Variants in FIP1L1 observed in about 807,000 individuals in gnomAD.
The protein encoded by FIP1L1 is pre-mRNA 3'-end-processing factor FIP1.
Under a neutral mutation model 84.6 loss-of-function variants are expected in FIP1L1, and 21 were observed. The ratio of observed to expected loss-of-function variants is 0.25; its 90% confidence interval spans 0.18 to 0.36. FIP1L1 has a LOEUF of 0.36. Ranked by LOEUF, FIP1L1 falls within the 10% of genes least tolerant of loss-of-function variation. FIP1L1 has a pLI of 1.00. For missense variants in FIP1L1, 526 were observed against 751.1 expected (o/e 0.70, Z 3.50); for synonymous variants, 263 against 242.3 (o/e 1.09, Z -0.80).
At chr4:53,414,912 C>A (rs1758790823) in intron 11 of FIP1L1, among the ~76,000 whole-genome samples, 190 bp downstream of exon 11, 1 of 152,020 alleles carries the variant, frequency 6.6e-6, no homozygotes, top group Admixed American at 6.6e-5. Context: ...TGCTACCCAT[C>A]TTTCTGGCTG....
intron 12 of FIP1L1, 106 bp from the exon 13 acceptor site, chr4:53,427,918 AATT>A: frequency 1.0e-6 from 1 of 956,138 alleles, no homozygotes; most frequent in Non-Finnish European, 1.5e-6. Flanking sequence ...CATATATGTG[AATT>A]AAACTACCTT....
At chr4:53,391,164 C>T (rs1560495441) in intron 8 of FIP1L1, 25 bp downstream of exon 8, 1 of 1,582,298 alleles carries the variant, frequency 6.3e-7, no homozygotes, top group East Asian at 2.2e-5. Context: ...CTCCGGAATA[C>T]CCTTGGCTTG....
chr4:53,440,509 T>C, intron 13 of FIP1L1: 1 of 931,172 alleles, frequency 1.1e-6, no homozygotes, highest in South Asian at 1.6e-5. Flanking sequence ...AAAGTTTGTT[T>C]TGGTGATGGC....
At chr4:53,404,871 TA>T (rs1321765798) in intron 10 of FIP1L1, among the ~76,000 whole-genome samples, 1 of 151,698 alleles carries the variant, frequency 6.6e-6, no homozygotes, top group Non-Finnish European at 1.5e-5. Flanking sequence ...TTTTTTCTTG[TA>T]AATTTGTTTG....
rs1721510402 is a variant in FIP1L1 at position 53,459,916 on chromosome 4, A to ACTC, written c.*468_*470dup. The ACTC allele has an allele frequency of 4.5e-6, 1 of 220,220 alleles. No homozygotes were observed. The allele number at this position is 220,220 out of a possible 1,614,324, so 13.6% of individuals were successfully genotyped here. A position where few individuals can be genotyped will look rare whatever the true frequency, so the allele number is the denominator to read the frequency against. ...ACACTCTTGCTTAGTATATTAAGAG[A>ACTC]CTCATACATTTTTGATATCACAACT... On this transcript the variant is annotated 3_prime_UTR_variant, in exon 18 of 18. Coordinates refer to ENST00000337488, the MANE Select transcript of FIP1L1 (RefSeq NM_030917.4).
intron 11 of FIP1L1, among the ~76,000 whole-genome samples, chr4:53,419,129 T>C (rs1193138052): frequency 2.0e-5 from 3 of 152,222 alleles, no homozygotes; most frequent in Non-Finnish European, 4.4e-5. Context: ...AAGGTAGAGC[T>C]TTATTCCAAG....
In FIP1L1 at chr4:53,377,669, G is replaced by T. The variant is rs758154430; in HGVS notation, c.-170G>T. 3.5e-5 allele frequency: 21 copies of T among 597,352 alleles called. No homozygotes were observed. Among genetic ancestry groups the T allele is most frequent in the Non-Finnish European group, 5.4e-5 (19 of 353,832 alleles). 37.0% of individuals were successfully genotyped at this position (597,352 alleles called of 1,614,324 possible). On this transcript the variant is annotated 5_prime_UTR_variant, in exon 1 of 18. The change creates a new upstream start codon in the 5' untranslated region. Coordinates refer to ENST00000337488, the MANE Select transcript of FIP1L1 (RefSeq NM_030917.4). ...CATGCGCAGACGGACCTGCGCTGGA[G>T]GCTTCATCTTTGCCGCCGCTGCCGT...
rs1735356480 is a variant in FIP1L1 at position 53,377,830 on chromosome 4, G to C, written c.-9G>C. ...TGATCGCCGCGTTTAAGTTGCGCTC[G>C]GGGCGGCCATGTCGGCCGGCGAGGT... On this transcript the variant is annotated 5_prime_UTR_variant, in exon 1 of 18. Coordinates refer to ENST00000337488, the MANE Select transcript of FIP1L1 (RefSeq NM_030917.4). The C allele has an allele frequency of 3.8e-6, 6 of 1,564,764 alleles. No individual in the cohort carries two copies. The highest frequency in any genetic ancestry group is 2.4e-5 in the East Asian group (1 of 42,226).
chr4:53,395,195 A>T (rs1048773103), intron 9 of FIP1L1, among the ~76,000 whole-genome samples: 1 of 152,224 alleles, frequency 6.6e-6, no homozygotes, highest in African/African-American at 2.4e-5. Context: ...AAACAAATGG[A>T]TAATCAAGTT....
In FIP1L1 at chr4:53,391,417, T is replaced by C; in HGVS notation, c.637-13T>C. 1 of 1,606,412 alleles carries C rather than the reference T, an allele frequency of 6.2e-7. No homozygotes were observed. On this transcript the variant is annotated splice_polypyrimidine_tract_variant and intron_variant, in intron 8 of 17. Transcript: ENST00000337488. ...ATGTGGTATCTTAATGGGGAATATGTTATTTAACTTAGGCCGAAGACTGTA... is the reference window on the plus strand; with the variant it reads ...ATGTGGTATCTTAATGGGGAATATGCTATTTAACTTAGGCCGAAGACTGTA...
At chr4:53,385,440 A>T (rs922166837) in intron 5 of FIP1L1, among the ~76,000 whole-genome samples, 1 of 152,096 alleles carries the variant, frequency 6.6e-6, no homozygotes, top group Non-Finnish European at 1.5e-5. Flanking sequence ...TTATGTTTAT[A>T]CATATTTATT....
At position 53,442,725 on chromosome 4, in the gene FIP1L1, C is replaced by G; in HGVS notation, c.1229+18C>G. 1 of 1,503,490 alleles carries G rather than the reference C, an allele frequency of 6.7e-7. No individual in the cohort carries two copies. The highest frequency in any genetic ancestry group is 9.2e-7 in the Non-Finnish European group (1 of 1,083,756). The allele number at this position is 1,503,490 out of a possible 1,614,324, so 93.1% of individuals were successfully genotyped here. A position where few individuals can be genotyped will look rare whatever the true frequency, so the allele number is the denominator to read the frequency against. ...ATAGAAAGGTAAATCAGTATGGATA[C>G]TGATTTTTGATCATTGATAGCCTTT... On this transcript the variant is annotated intron_variant, in intron 14 of 17. Coordinates refer to ENST00000337488, the MANE Select transcript of FIP1L1 (RefSeq NM_030917.4).
Position 53,442,446 on chromosome 4 carries a change from G to A in FIP1L1, c.1175-207G>A, listed in dbSNP as rs562337099. On this transcript the variant is annotated intron_variant, in intron 13 of 17. Coordinates refer to ENST00000337488, the MANE Select transcript of FIP1L1 (RefSeq NM_030917.4). The stretch of plus-strand genomic sequence containing the variant: ...TCCTGACTCCCAGTTTGTTTTCTGT[G>A]TATTAGACCAGACTGCTTACTTAAA... The A allele has an allele frequency of 9.7e-6, 5 of 516,096 alleles. No individual in the cohort carries two copies. The South Asian group carries it at 1.0e-4, about 10-fold the overall frequency. 32.0% of individuals were successfully genotyped at this position (516,096 alleles called of 1,614,324 possible). A position where few individuals can be genotyped will look rare whatever the true frequency, so the allele number is the denominator to read the frequency against.
rs75782976 is a variant in FIP1L1 at position 53,431,073 on chromosome 4, G to A, written c.1174+2890G>A. ...CAGTTTTAGTCAAGTGGTCTTGTAC[G>A]TACTTGGCATTCCCTAATGTGTTTG... On this transcript the variant is annotated intron_variant, in intron 13 of 17. Transcript: ENST00000337488. 3.1e-4 allele frequency among the ~76,000 whole-genome samples: 47 copies of A among 152,302 alleles called. No individual in the cohort carries two copies. The East Asian group carries it at 8.9e-3, about 29-fold the overall frequency.
At chr4:53,439,359 T>C (rs1020785192) in intron 13 of FIP1L1, among the ~76,000 whole-genome samples, 33 of 152,088 alleles carry the variant, frequency 2.2e-4, no homozygotes, top group African/African-American at 8.0e-4. Flanking sequence ...GTTGGCTTTG[T>C]AAGTTTGGAA....
intron 12 of FIP1L1, 47 bp from the exon 13 acceptor site, chr4:53,427,980 T>G: frequency 7.2e-7 from 1 of 1,398,444 alleles, no homozygotes; most frequent in Non-Finnish European, 9.9e-7. Flanking sequence ...AGATTAATCT[T>G]ACATAATATT....
chr4:53,379,582 T>G (rs1471597), intron 3 of FIP1L1, among the ~76,000 whole-genome samples: 84,489 of 152,122 alleles, frequency 0.56, 25,309 homozygotes, highest in Non-Finnish European at 0.67. Flanking sequence ...GATAAAAATA[T>G]TTTAACTTAA....
At chr4:53,409,876 T>A (rs1756191078) in intron 10 of FIP1L1, among the ~76,000 whole-genome samples, 1 of 152,184 alleles carries the variant, frequency 6.6e-6, no homozygotes, top group Non-Finnish European at 1.5e-5. Flanking sequence ...TGACCCAATT[T>A]TCCAGGTGCT....
intron 9 of FIP1L1, 101 bp downstream of exon 9, chr4:53,391,599 C>G (rs551240543): frequency 2.6e-4 from 206 of 803,860 alleles, no homozygotes; most frequent in African/African-American, 1.9e-3. Context: ...AAATAGCTAC[C>G]TTTTTTCCAA....
Sources: gnomAD v4.1 joint callset for allele counts (sites outside exome capture counted in the v4.1 genomes callset) on GRCh38, gnomAD v4.1.1 for gene constraint, MANE v1.5 for transcripts, NCBI Gene and HGNC (gene_info 2026-07-23, HGNC 2026-07-21) for gene names.